The following ADGRL2 variants were observed in gnomAD, a reference collection of about 807,000 sequenced individuals.
ADGRL2 encodes adhesion G protein-coupled receptor L2.
Under a neutral mutation model 157.4 loss-of-function variants are expected in ADGRL2, and 44 were observed. The observed-to-expected ratio is 0.28, with a 90% CI of 0.22 to 0.36. ADGRL2 has a LOEUF of 0.36. Ranked by LOEUF, ADGRL2 falls within the 10% of genes least tolerant of loss-of-function variation. The pLI, the probability that ADGRL2 is intolerant of heterozygous loss-of-function variation, is 1.00. For missense variants in ADGRL2, 1,510 were observed against 1,768.9 expected (o/e 0.85, Z 2.63); for synonymous variants, 585 against 624.7 (o/e 0.94, Z 0.95).
intron 2 of ADGRL2, among the ~76,000 whole-genome samples, chr1:81,565,270 T>G (rs538409112): frequency 1.3e-5 from 2 of 152,258 alleles, no homozygotes; most frequent in South Asian, 4.1e-4. Context: ...AACTAGAAAG[T>G]GCAACATACA....
At position 81,599,735 on chromosome 1, in the gene ADGRL2, C is replaced by G. The variant is rs112700844; in HGVS notation, c.-143+18755C>G. On this transcript the variant is annotated intron_variant, in intron 3 of 24. Transcript: ENST00000370721. Reference sequence around the variant, plus strand: ...TCCTATGAAGCAGCTAAGTATTGCTCTCTCCATTTTTCAGATGAGAAAACC... The same window carrying G: ...TCCTATGAAGCAGCTAAGTATTGCTGTCTCCATTTTTCAGATGAGAAAACC... Among the ~76,000 whole-genome samples, 1,102 of 152,260 alleles carry G rather than the reference C, an allele frequency of 7.2e-3. 6 individuals are homozygous for G. Among genetic ancestry groups the G allele is most frequent in the Middle Eastern group, 0.02 (6 of 294 alleles).
At chr1:81,627,947 C>T (rs1175003106) in intron 3 of ADGRL2, among the ~76,000 whole-genome samples, 3 of 152,136 alleles carry the variant, frequency 2.0e-5, no homozygotes, top group Non-Finnish European at 1.5e-5. Context: ...TCACCATCAG[C>T]GGTTTGTATC....
chr1:81,366,333 T>C (rs913185134), intron 1 of ADGRL2, among the ~76,000 whole-genome samples: 2 of 151,976 alleles, frequency 1.3e-5, no homozygotes, highest in South Asian at 2.1e-4. Flanking sequence ...TGAGATATGT[T>C]CTTTTAAAAA....
At chr1:81,565,836 T>C (rs1279967725) in intron 2 of ADGRL2, among the ~76,000 whole-genome samples, 2 of 152,154 alleles carry the variant, frequency 1.3e-5, no homozygotes, top group Non-Finnish European at 2.9e-5. Context: ...TTCTGGGAAG[T>C]GATTTAGGTA....
chr1:81,933,910 C>T (rs74098514), intron 3 of ADGRL2, among the ~76,000 whole-genome samples: 1 of 151,980 alleles, frequency 6.6e-6, no homozygotes, highest in Non-Finnish European at 1.5e-5. Context: ...TGACCCTTAA[C>T]TGTTTTAGCT....
At chr1:81,332,923 A>G (rs1661368919) in intron 1 of ADGRL2, among the ~76,000 whole-genome samples, 1 of 152,222 alleles carries the variant, frequency 6.6e-6, no homozygotes, top group Non-Finnish European at 1.5e-5. Flanking sequence ...ATGTATCATA[A>G]TAAGACTGTG....
chr1:81,750,058 AAAG>A (rs2085438206), intron 1 of ADGRL2, among the ~76,000 whole-genome samples: 1 of 152,254 alleles, frequency 6.6e-6, no homozygotes, highest in Admixed American at 6.5e-5. Context: ...TCTCAAATAA[AAAG>A]AAAAATTTTC....
intron 1 of ADGRL2, among the ~76,000 whole-genome samples, chr1:81,712,052 C>A (rs1224232504): frequency 1.3e-5 from 2 of 152,088 alleles, no homozygotes; most frequent in South Asian, 4.1e-4. Flanking sequence ...CTAATCGAAT[C>A]CTGTGCCTGG....
rs998798626 is a variant in ADGRL2, at chr1:81,955,961, A to G, written c.1918A>G (p.Thr640Ala). The G allele has an allele frequency of 6.2e-7, 1 of 1,611,128 alleles. No individual in the cohort carries two copies. Residue 640 changes from threonine (T) to alanine (A), a missense_variant, in exon 11 of 24, where the codon ACT (threonine) becomes GCT (alanine). Around this residue, in one of 4 missense-constraint regions of ADGRL2, gnomAD observed 325 missense variants for 333.2 expected, o/e 0.98. Transcript: ENST00000686636. Reference protein sequence around the residue: ...KHMNSSEQAHTATMLLDTLEE... With the variant: ...KHMNSSEQAHAATMLLDTLEE... ...TATGAATTCTTCTGAACAAGCACATACTGCAACAATGTTACTCGATACATT... is the reference window on the plus strand; with the variant it reads ...TATGAATTCTTCTGAACAAGCACATGCTGCAACAATGTTACTCGATACATT...
intron 1 of ADGRL2, chr1:81,761,718 T>C (rs1425092447): frequency 6.6e-6 from 1 of 152,078 alleles, no homozygotes; most frequent in African/African-American, 2.4e-5. Flanking sequence ...AGATTTACTT[T>C]ATTTTTGTTT....
intron 2 of ADGRL2, among the ~76,000 whole-genome samples, chr1:81,530,648 C>T (rs1429747782): frequency 6.6e-6 from 1 of 152,078 alleles, no homozygotes; most frequent in Non-Finnish European, 1.5e-5. Context: ...CATGCCTGGC[C>T]TTGATCTTCA....
intron 2 of ADGRL2, among the ~76,000 whole-genome samples, chr1:81,853,206 G>C (rs2093078414): frequency 6.6e-6 from 1 of 152,138 alleles, no homozygotes; most frequent in Non-Finnish European, 1.5e-5. Context: ...CCTTCACCAG[G>C]TGCTGGGTTG....
intron 1 of ADGRL2, chr1:81,722,719 G>A (rs751073462): frequency 1.1e-6 from 1 of 948,098 alleles, no homozygotes. Context: ...AACGTGAAGA[G>A]CGAGAGATCA....
intron 1 of ADGRL2, among the ~76,000 whole-genome samples, chr1:81,737,703 C>G (rs564283871): frequency 1.3e-5 from 2 of 152,150 alleles, no homozygotes; most frequent in Non-Finnish European, 2.9e-5. Context: ...CCTCAAGAGC[C>G]TACAGAATTG....
intron 2 of ADGRL2, among the ~76,000 whole-genome samples, chr1:81,460,005 A>G (rs897804795): frequency 3.3e-5 from 5 of 151,884 alleles, no homozygotes; most frequent in African/African-American, 1.2e-4. Context: ...CCTCACCAAC[A>G]CTTTGTCTTT....
chr1:81,958,458 G>A (rs1387888748), intron 11 of ADGRL2, among the ~76,000 whole-genome samples: 1 of 152,036 alleles, frequency 6.6e-6, no homozygotes, highest in Non-Finnish European at 1.5e-5. Context: ...CCACTCCCTT[G>A]AGGACATGGC....
intron 1 of ADGRL2, among the ~76,000 whole-genome samples, chr1:81,821,693 C>T (rs78805675): frequency 0.013 from 1,977 of 151,992 alleles, 48 homozygotes; most frequent in African/African-American, 0.045. Flanking sequence ...GGTGAAATGC[C>T]GGAACAATTT....
intron 2 of ADGRL2, among the ~76,000 whole-genome samples, chr1:81,478,220 A>C (rs2078313014): frequency 6.6e-6 from 1 of 152,178 alleles, no homozygotes; most frequent in South Asian, 2.1e-4. Flanking sequence ...CTACAGTGGG[A>C]ACATCGGAGA....
At chr1:81,486,726 A>C (rs2078510729) in intron 2 of ADGRL2, among the ~76,000 whole-genome samples, 1 of 152,196 alleles carries the variant, frequency 6.6e-6, no homozygotes, top group South Asian at 2.1e-4. Flanking sequence ...CAGCACATGA[A>C]AATGTATTTC....
Sources: gnomAD v4.1 joint callset for allele counts (sites outside exome capture counted in the v4.1 genomes callset) on GRCh38, gnomAD v4.1.1 for gene constraint, gnomAD v4.1.1 regional missense constraint, MANE v1.5 for transcripts, NCBI Gene and HGNC (gene_info 2026-07-23, HGNC 2026-07-21) for gene names.